The following RIC8B variants were observed in gnomAD, a reference collection of about 807,000 sequenced individuals.
The protein encoded by RIC8B is RIC8 guanine nucleotide exchange factor B.
In RIC8B, 16 loss-of-function variants were observed where a neutral mutation model predicts 57.5. That is an observed-to-expected ratio of 0.28 (90% CI 0.19 to 0.42). The LOEUF (loss-of-function observed/expected upper bound fraction) is 0.42. Among genes scored for constraint, RIC8B ranks in the 10% least tolerant of loss-of-function variants. The pLI is 1.00. For synonymous variants in RIC8B, 216 were observed against 250.8 expected, an observed-to-expected ratio of 0.86 and a Z score of 1.31; for missense variants, 481 against 677.0, an observed-to-expected ratio of 0.71 and a Z score of 3.21.
In RIC8B at chr12:106,867,497, A is replaced by C. The variant is rs1950187966; in HGVS notation, c.1452-3326A>C. On this transcript the variant is annotated intron_variant, in intron 8 of 9. Coordinates refer to ENST00000392837, the MANE Select transcript of RIC8B (RefSeq NM_001330145.2). This position sits in a 1 kb window ranked among gnomAD's most constrained non-coding sequence, Gnocchi z 4.3. Reference sequence around the variant, plus strand: ...CCAAGTTTTGGAATGAAATAAAACTAACTCCAGAATTTCATAGCGTTAAGA... The same window carrying C: ...CCAAGTTTTGGAATGAAATAAAACTCACTCCAGAATTTCATAGCGTTAAGA... 6.6e-6 allele frequency among the ~76,000 whole-genome samples: 1 copy of C among 152,210 alleles called. No individual in the cohort carries two copies.
In RIC8B at chr12:106,785,785, G is replaced by C. The variant is rs11113114; in HGVS notation, c.132+1741G>C. Among the ~76,000 whole-genome samples, 34 of 104,684 alleles carry C rather than the reference G, an allele frequency of 3.2e-4. 1 individual carries two copies. Among genetic ancestry groups the C allele is most frequent in the African/African-American group, 1.1e-3 (28 of 26,508 alleles). The allele number at this position is 104,684 out of a possible 152,430, so 68.7% of individuals were successfully genotyped here. A position where few individuals can be genotyped will look rare whatever the true frequency, so the allele number is the denominator to read the frequency against. Reference sequence around the variant, plus strand: ...TGAGCTCCAGACATGTGTATTCTATGTCTCTCTCTCTCTCTCTCTCTCTCT... The same window carrying C: ...TGAGCTCCAGACATGTGTATTCTATCTCTCTCTCTCTCTCTCTCTCTCTCT... On this transcript the variant is annotated intron_variant, in intron 2 of 9. Transcript: ENST00000392837.
At chr12:106,795,726 G>A (rs2044450139) in intron 2 of RIC8B, among the ~76,000 whole-genome samples, 1 of 152,116 alleles carries the variant, frequency 6.6e-6, no homozygotes, top group Non-Finnish European at 1.5e-5. Context: ...TTTACAGGCT[G>A]CTCTTTGTTA....
chr12:106,814,644 T>C, intron 2 of RIC8B, 52 bp from the exon 3 acceptor site: 1 of 1,525,888 alleles, frequency 6.6e-7, no homozygotes, highest in Non-Finnish European at 8.8e-7. Flanking sequence ...CATTCTGTGT[T>C]AAGTCATTTG....
At chr12:106,822,204 C>T (rs1276231465) in intron 3 of RIC8B, 1 of 151,632 alleles carries the variant, frequency 6.6e-6, no homozygotes, top group Non-Finnish European at 1.5e-5. Context: ...TTATTAGTCA[C>T]CATAAACATG....
In RIC8B at chr12:106,848,671, G is replaced by T. The variant is rs1269466362; in HGVS notation, c.1162-2779G>T. Reference sequence around the variant, plus strand: ...GAGAGGAGTCAAGGATATTTCCAAGGTTTTTGTACCAAGCAATTGGGAGAA... The same window carrying T: ...GAGAGGAGTCAAGGATATTTCCAAGTTTTTTGTACCAAGCAATTGGGAGAA... On this transcript the variant is annotated intron_variant, in intron 6 of 9. Transcript: ENST00000392837. Among the ~76,000 whole-genome samples the T allele has an allele frequency of 2.6e-5, 4 of 152,114 alleles. No individual in the cohort carries two copies. In the East Asian group the frequency reaches 7.7e-4, roughly 29 times the overall value.
intron 9 of RIC8B, among the ~76,000 whole-genome samples, chr12:106,876,327 A>C (rs935608630): frequency 6.6e-6 from 1 of 152,178 alleles, no homozygotes; most frequent in East Asian, 1.9e-4. Context: ...AAATGATAAT[A>C]TTTTTGATAC....
intron 2 of RIC8B, among the ~76,000 whole-genome samples, chr12:106,814,156 A>G (rs571322061): frequency 4.6e-5 from 7 of 152,284 alleles, no homozygotes; most frequent in East Asian, 3.9e-4. Flanking sequence ...TGTAGTTTGT[A>G]TACCAGGAGG....
At chr12:106,862,720 T>A (rs1279230111) in intron 8 of RIC8B, among the ~76,000 whole-genome samples, 1 of 152,138 alleles carries the variant, frequency 6.6e-6, no homozygotes, top group African/African-American at 2.4e-5. Flanking sequence ...AGTCCCATTG[T>A]CAAAACTTTA....
chr12:106,804,526 A>G (rs1269920288), intron 2 of RIC8B, among the ~76,000 whole-genome samples: 1 of 152,138 alleles, frequency 6.6e-6, no homozygotes, highest in Non-Finnish European at 1.5e-5. Flanking sequence ...GTACTATTAT[A>G]CCAGTTTTAC....
At chr12:106,784,087 A>T in intron 2 of RIC8B, 43 bp downstream of exon 2, 3 of 1,519,710 alleles carry the variant, frequency 2.0e-6, no homozygotes, top group Middle Eastern at 1.7e-4. Flanking sequence ...GTGTGTGTGT[A>T]TTGCATTCAT....
At chr12:106,883,357 AGG>A (rs1951041679) in intron 9 of RIC8B, among the ~76,000 whole-genome samples, 1 of 152,216 alleles carries the variant, frequency 6.6e-6, no homozygotes, top group Non-Finnish European at 1.5e-5. Flanking sequence ...TTTAAAATAT[AGG>A]TATGTAATTT....
intron 3 of RIC8B, among the ~76,000 whole-genome samples, chr12:106,820,128 A>G (rs2136306501): frequency 6.6e-6 from 1 of 152,342 alleles, no homozygotes. Flanking sequence ...AGAAAATGCA[A>G]ACATTTGGTT....
chr12:106,866,995 G>A (rs555122834), intron 8 of RIC8B, among the ~76,000 whole-genome samples: 9 of 152,266 alleles, frequency 5.9e-5, no homozygotes, highest in African/African-American at 1.9e-4. Context: ...CCTGTAGGTT[G>A]ACTTTAGAGT....
intron 2 of RIC8B, among the ~76,000 whole-genome samples, chr12:106,810,216 A>T (rs1294460422): frequency 5.4e-5 from 8 of 146,872 alleles, no homozygotes; most frequent in South Asian, 2.1e-4. Context: ...TATAGGCATG[A>T]GTGACCATGC....
At chr12:106,842,941 G>A (rs554246760) in intron 5 of RIC8B, 124 bp downstream of exon 5, 18 of 573,364 alleles carry the variant, frequency 3.1e-5, no homozygotes, top group Non-Finnish European at 4.5e-5. Flanking sequence ...CTGATGTGCT[G>A]CATAATTGTT....
intron 2 of RIC8B, among the ~76,000 whole-genome samples, chr12:106,798,305 A>T (rs1181616857): frequency 6.6e-6 from 1 of 152,176 alleles, no homozygotes; most frequent in Non-Finnish European, 1.5e-5. Context: ...TAGGGACCTG[A>T]AAGTTCTTGG....
At chr12:106,835,718 G>A (rs1384726717) in intron 4 of RIC8B, among the ~76,000 whole-genome samples, 2 of 152,228 alleles carry the variant, frequency 1.3e-5, no homozygotes, top group African/African-American at 4.8e-5. Context: ...AATGAATAAA[G>A]TGAGGTTTGA....
chr12:106,775,503 A>G (rs903207402), intron 1 of RIC8B: 1 of 361,732 alleles, frequency 2.8e-6, no homozygotes, highest in African/African-American at 2.1e-5. Flanking sequence ...CCATTATCTT[A>G]TTTAATCTTA....
chr12:106,787,519 G>A (rs1272983605), intron 2 of RIC8B, among the ~76,000 whole-genome samples: 1 of 152,112 alleles, frequency 6.6e-6, no homozygotes, highest in African/African-American at 2.4e-5. Flanking sequence ...TTTTCACACT[G>A]CTGATAAAGA....
Sources: gnomAD v4.1 joint callset for allele counts (sites outside exome capture counted in the v4.1 genomes callset) on GRCh38, gnomAD v4.1.1 for gene constraint, Gnocchi (gnomAD v3.1) non-coding constraint, MANE v1.5 for transcripts, NCBI Gene and HGNC (gene_info 2026-07-23, HGNC 2026-07-21) for gene names.